The following GABRB1 variants were observed in gnomAD, a reference collection of about 807,000 sequenced individuals.
GABRB1 encodes gamma-aminobutyric acid type A receptor subunit beta1, also known as gamma-aminobutyric acid receptor subunit beta-1.
In GABRB1, 17 loss-of-function variants were observed where a neutral mutation model predicts 51.6. That is an observed-to-expected ratio of 0.33 (90% CI 0.23 to 0.49). The LOEUF (loss-of-function observed/expected upper bound fraction) is 0.49. Among genes scored for constraint, GABRB1 ranks in the 20% least tolerant of loss-of-function variants. The probability of loss-of-function intolerance (pLI) is 0.99; values close to 1 mark genes in which losing one functional copy is unlikely to be tolerated. For missense variants in GABRB1, 410 were observed against 600.6 expected, an observed-to-expected ratio of 0.68 and a Z score of 3.32; for synonymous variants, 247 against 218.9, an observed-to-expected ratio of 1.13 and a Z score of -1.14.
intron 4 of GABRB1, among the ~76,000 whole-genome samples, chr4:47,298,400 C>T (rs1244745037): frequency 1.3e-5 from 2 of 152,164 alleles, no homozygotes; most frequent in African/African-American, 2.4e-5. Context: ...TCTCAGGATA[C>T]AAAATCAATG....
At chr4:47,357,354 A>G (rs6832172) in intron 5 of GABRB1, among the ~76,000 whole-genome samples, 39,798 of 152,126 alleles carry the variant, frequency 0.26, 6,431 homozygotes, top group Non-Finnish European at 0.37. Context: ...TTCTATGGCC[A>G]GTAGTCAGCT....
chr4:47,385,070 CA>C (rs1356092465), intron 5 of GABRB1, among the ~76,000 whole-genome samples: 5 of 152,200 alleles, frequency 3.3e-5, no homozygotes, highest in African/African-American at 9.6e-5. Flanking sequence ...ACTTTGCCTA[CA>C]ACCAAACAAA....
chr4:46,999,434 A>G (rs1390087149), intron 1 of GABRB1, among the ~76,000 whole-genome samples: 1 of 152,236 alleles, frequency 6.6e-6, no homozygotes, highest in African/African-American at 2.4e-5. Context: ...GGAGACATCT[A>G]AAATATGTTA....
At chr4:47,347,632 A>C (rs963578684) in intron 5 of GABRB1, among the ~76,000 whole-genome samples, 10 of 152,142 alleles carry the variant, frequency 6.6e-5, no homozygotes, top group African/African-American at 2.4e-4. Context: ...CCATATGTCA[A>C]GTGAAAAAAA....
chr4:47,293,972 A>G (rs543209028), intron 4 of GABRB1, among the ~76,000 whole-genome samples: 1 of 152,370 alleles, frequency 6.6e-6, no homozygotes, highest in East Asian at 1.9e-4. Flanking sequence ...ATCTTTTTAA[A>G]GTGACTAAAA....
At chr4:47,031,077 C>T (rs964145145), upstream of GABRB1, among the ~76,000 whole-genome samples, 3 of 152,236 alleles carry the variant, frequency 2.0e-5, no homozygotes, top group Non-Finnish European at 4.4e-5. Flanking sequence ...CAAATACGTC[C>T]TGAGTTTCCT....
intron 3 of GABRB1, among the ~76,000 whole-genome samples, chr4:47,147,388 T>C (rs182274365): frequency 2.0e-5 from 3 of 152,246 alleles, no homozygotes; most frequent in Admixed American, 6.5e-5. Flanking sequence ...TTTAATTTTT[T>C]CTTAACTGGG....
chr4:47,377,734 A>G lies in GABRB1; in HGVS notation c.545-25584A>G, dbSNP rs189663108. Among the ~76,000 whole-genome samples, 1,509 of 151,920 alleles carry G rather than the reference A, an allele frequency of 9.9e-3. 28 individuals are homozygous for G. Among genetic ancestry groups the G allele is most frequent in the African/African-American group, 0.034 (1,428 of 41,412 alleles). On this transcript the variant is annotated intron_variant, in intron 5 of 8. Coordinates refer to ENST00000295454, the MANE Select transcript of GABRB1 (RefSeq NM_000812.4). Reference sequence around the variant, plus strand: ...CCCTGAGCTAGACACAAAGTTCTCCAAGTCCCCACCAGATTAGCTAGATAC... The same window carrying G: ...CCCTGAGCTAGACACAAAGTTCTCCGAGTCCCCACCAGATTAGCTAGATAC...
At chr4:47,346,560 A>G (rs1406072140) in intron 5 of GABRB1, among the ~76,000 whole-genome samples, 1 of 152,194 alleles carries the variant, frequency 6.6e-6, no homozygotes, top group Admixed American at 6.5e-5. Context: ...GAATGTGCCA[A>G]CATCATTGCT....
intron 5 of GABRB1, among the ~76,000 whole-genome samples, chr4:47,365,543 G>T (rs377345448): frequency 6.6e-6 from 1 of 152,026 alleles, no homozygotes; most frequent in African/African-American, 2.4e-5. Flanking sequence ...CTCCACCCCC[G>T]CTATACCCCT....
chr4:47,341,319 G>A (rs1456386610), intron 5 of GABRB1, among the ~76,000 whole-genome samples: 1 of 151,854 alleles, frequency 6.6e-6, no homozygotes, highest in Non-Finnish European at 1.5e-5. Context: ...TCATTGTTTC[G>A]ATCCCACAAC....
intron 3 of GABRB1, among the ~76,000 whole-genome samples, chr4:47,057,016 G>T (rs1168682073): frequency 6.6e-6 from 1 of 152,130 alleles, no homozygotes; most frequent in Admixed American, 6.5e-5. Context: ...TGAGGCAGGA[G>T]AATCGCCTGA....
chr4:47,187,569 C>T (rs138230080), intron 4 of GABRB1, among the ~76,000 whole-genome samples: 267 of 151,856 alleles, frequency 1.8e-3, no homozygotes, highest in Admixed American at 3.4e-3. Context: ...CACAATTTAG[C>T]GTGAAATTAT....
intron 4 of GABRB1, among the ~76,000 whole-genome samples, chr4:47,215,407 T>C (rs1157392635): frequency 6.6e-6 from 1 of 152,036 alleles, no homozygotes. Context: ...TTCTCAAAGT[T>C]TATATGTAGA....
At chr4:47,236,123 C>A (rs1250946752) in intron 4 of GABRB1, among the ~76,000 whole-genome samples, 4 of 152,070 alleles carry the variant, frequency 2.6e-5, no homozygotes, top group African/African-American at 9.7e-5. Context: ...TAGCTTCCTT[C>A]TTCTGAACAC....
rs1729014329 is a variant in GABRB1 at position 47,418,963 on chromosome 4, T to C, written c.1081-6711T>C. On this transcript the variant is annotated intron_variant, in intron 8 of 8. Transcript: ENST00000295454. ...TGAAATGTGAGCATGAATATAATGTTAAGAAAAATATGCACAAAATCACAA... is the reference window on the plus strand; with the variant it reads ...TGAAATGTGAGCATGAATATAATGTCAAGAAAAATATGCACAAAATCACAA... 2.0e-5 allele frequency among the ~76,000 whole-genome samples: 3 copies of C among 152,332 alleles called. No homozygotes were observed. In the East Asian group the frequency reaches 5.8e-4, roughly 29 times the overall value.
At chr4:47,150,913 C>T (rs1717414951) in intron 3 of GABRB1, among the ~76,000 whole-genome samples, 2 of 151,958 alleles carry the variant, frequency 1.3e-5, no homozygotes, top group Admixed American at 1.3e-4. Flanking sequence ...GTGATTGTCT[C>T]TGAATAGTAA....
intron 5 of GABRB1, among the ~76,000 whole-genome samples, chr4:47,352,836 G>T (rs1241259724): frequency 6.6e-6 from 1 of 152,150 alleles, no homozygotes; most frequent in Admixed American, 6.6e-5. Context: ...AGAGAGTATA[G>T]GATGTTCAGA....
chr4:47,346,381 A>G (rs181755662), intron 5 of GABRB1, among the ~76,000 whole-genome samples: 190 of 152,364 alleles, frequency 1.2e-3, no homozygotes, highest in African/African-American at 4.4e-3. Flanking sequence ...TTAATGGGAT[A>G]CTGATCATGA....
Sources: gnomAD v4.1 joint callset for allele counts (sites outside exome capture counted in the v4.1 genomes callset) on GRCh38, gnomAD v4.1.1 for gene constraint, MANE v1.5 for transcripts, NCBI Gene and HGNC (gene_info 2026-07-23, HGNC 2026-07-21) for gene names.